The following LRRC4C variants were observed in gnomAD, a reference collection of about 807,000 sequenced individuals.
LRRC4C encodes leucine rich repeat containing 4C.
Under a neutral mutation model 33.6 loss-of-function variants are expected in LRRC4C, and 5 were observed. The ratio of observed to expected loss-of-function variants is 0.15; its 90% confidence interval spans 0.08 to 0.31. LRRC4C has a LOEUF of 0.31. Ranked by LOEUF, LRRC4C falls within the 10% of genes least tolerant of loss-of-function variation. LRRC4C has a pLI of 1.00. For missense variants in LRRC4C, 560 were observed against 796.7 expected (o/e 0.70, Z 3.58); for synonymous variants, 329 against 302.0 (o/e 1.09, Z -0.93).
At chr11:41,365,256 C>T in intron 1 of LRRC4C, among the ~76,000 whole-genome samples, 1 of 151,758 alleles carries the variant, frequency 6.6e-6, no homozygotes, top group East Asian at 1.9e-4. Context: ...GTTGTGTGCT[C>T]CTTATGAGAA....
chr11:40,977,506 C>A (rs1009611977), intron 1 of LRRC4C, among the ~76,000 whole-genome samples: 1 of 152,232 alleles, frequency 6.6e-6, no homozygotes, highest in Admixed American at 6.5e-5. Context: ...CTATAAGTCT[C>A]TGTGACTTAA....
At chr11:41,441,163 G>T (rs528965210) in intron 1 of LRRC4C, among the ~76,000 whole-genome samples, 1 of 152,218 alleles carries the variant, frequency 6.6e-6, no homozygotes, top group South Asian at 2.1e-4. Flanking sequence ...ATTTGTTTTT[G>T]CCAGGACTAT....
At chr11:40,627,142 C>A (rs1289933281) in intron 3 of LRRC4C, among the ~76,000 whole-genome samples, 1 of 141,230 alleles carries the variant, frequency 7.1e-6, no homozygotes, top group Non-Finnish European at 1.5e-5. Flanking sequence ...AATTGATAAG[C>A]AAATGTAGAC....
chr11:40,175,951 T>G (rs1024248246), intron 5 of LRRC4C, among the ~76,000 whole-genome samples: 1 of 152,198 alleles, frequency 6.6e-6, no homozygotes, highest in South Asian at 2.1e-4. Flanking sequence ...TGGAGCTATA[T>G]AGAGGCTGAG....
At chr11:40,283,004 C>G (rs1943584942) in intron 4 of LRRC4C, among the ~76,000 whole-genome samples, 1 of 152,172 alleles carries the variant, frequency 6.6e-6, no homozygotes. Flanking sequence ...TTTACATTCT[C>G]TTCTTTGATA....
chr11:41,342,310 AGGTGGTATCCCTAGCAATAT>A (rs1591308949), intron 1 of LRRC4C, among the ~76,000 whole-genome samples: 2 of 152,236 alleles, frequency 1.3e-5, no homozygotes, highest in East Asian at 3.9e-4. Context: ...CAGTATTGAA[AGGTGGTATCCCTAGCAATAT>A]TTTAGTTTTG....
intron 5 of LRRC4C, among the ~76,000 whole-genome samples, chr11:40,212,653 T>C (rs1863688132): frequency 1.3e-5 from 2 of 152,106 alleles, no homozygotes; most frequent in South Asian, 2.1e-4. Context: ...TCTAATAAGC[T>C]CTTTACCTAT....
intron 2 of LRRC4C, among the ~76,000 whole-genome samples, chr11:40,780,965 C>T (rs1950189423): frequency 6.6e-6 from 1 of 151,984 alleles, no homozygotes; most frequent in Non-Finnish European, 1.5e-5. Context: ...TCATGGGTCA[C>T]TTACTGACAG....
At chr11:40,174,948 A>C (rs1860350375) in intron 5 of LRRC4C, among the ~76,000 whole-genome samples, 1 of 152,236 alleles carries the variant, frequency 6.6e-6, no homozygotes, top group African/African-American at 2.4e-5. Flanking sequence ...CACAAATTTC[A>C]ACTACAAATC....
At position 40,875,689 on chromosome 11, in the gene LRRC4C, A is replaced by G. The variant is rs566137604; in HGVS notation, c.-407+57946T>C. Among the ~76,000 whole-genome samples the G allele has an allele frequency of 2.0e-3, 303 of 152,124 alleles. 1 individual carries two copies. Among genetic ancestry groups the G allele is most frequent in the African/African-American group, 6.8e-3 (283 of 41,496 alleles). On this transcript the variant is annotated intron_variant, in intron 2 of 6. Coordinates refer to ENST00000528697, the MANE Select transcript of LRRC4C (RefSeq NM_001258419.2). ...GTAATCGCACATATTTAATCCCTTA[A>G]CTCAGCAGTCCCAAACCTTTTTGGC...
At chr11:41,103,112 A>G (rs1941295317) in intron 1 of LRRC4C, among the ~76,000 whole-genome samples, 5 of 151,972 alleles carry the variant, frequency 3.3e-5, no homozygotes, top group Admixed American at 3.3e-4. Context: ...TGAATTACAA[A>G]TTCTGTGACA....
At chr11:40,958,358 T>C (rs1039401372) in intron 1 of LRRC4C, among the ~76,000 whole-genome samples, 1 of 151,786 alleles carries the variant, frequency 6.6e-6, no homozygotes, top group African/African-American at 2.4e-5. Flanking sequence ...ACAAAATGAA[T>C]GTAAATTATA....
At chr11:41,019,420 T>C (rs1002057782) in intron 1 of LRRC4C, among the ~76,000 whole-genome samples, 1 of 152,216 alleles carries the variant, frequency 6.6e-6, no homozygotes, top group African/African-American at 2.4e-5. Context: ...CAGTCTATCA[T>C]TGATGGGCAT....
At chr11:41,231,522 A>C (rs1947793744) in intron 1 of LRRC4C, among the ~76,000 whole-genome samples, 2 of 150,194 alleles carry the variant, frequency 1.3e-5, no homozygotes, top group South Asian at 4.2e-4. Flanking sequence ...AAGGACAAAA[A>C]ACCAAACACC....
chr11:40,205,457 C>T (rs542718788), intron 5 of LRRC4C, among the ~76,000 whole-genome samples: 21 of 152,150 alleles, frequency 1.4e-4, no homozygotes, highest in East Asian at 1.9e-4. Flanking sequence ...TATTCAATTA[C>T]GGGGGTGAGA....
chr11:41,146,045 A>G (rs1350194639), intron 1 of LRRC4C, among the ~76,000 whole-genome samples: 1 of 152,214 alleles, frequency 6.6e-6, no homozygotes, highest in Non-Finnish European at 1.5e-5. Context: ...TTACAGAATT[A>G]TAACTTTATA....
chr11:40,842,665 G>A (rs1952964434), intron 2 of LRRC4C, among the ~76,000 whole-genome samples: 1 of 151,984 alleles, frequency 6.6e-6, no homozygotes, highest in East Asian at 1.9e-4. Context: ...CTGAAATTTT[G>A]TATCATTTAA....
intron 3 of LRRC4C, among the ~76,000 whole-genome samples, chr11:40,482,266 C>T (rs1459498209): frequency 6.6e-6 from 1 of 152,008 alleles, no homozygotes; most frequent in East Asian, 1.9e-4. Flanking sequence ...GGTGAAGAAA[C>T]CTTGGGCTGG....
chr11:40,472,895 G>C (rs918134263), intron 3 of LRRC4C, among the ~76,000 whole-genome samples: 1 of 152,034 alleles, frequency 6.6e-6, no homozygotes. Flanking sequence ...ACCCTCCCAA[G>C]ACTAAAGCAG....
Sources: gnomAD v4.1 joint callset for allele counts (sites outside exome capture counted in the v4.1 genomes callset) on GRCh38, gnomAD v4.1.1 for gene constraint, MANE v1.5 for transcripts, NCBI Gene and HGNC (gene_info 2026-07-23, HGNC 2026-07-21) for gene names.